XKR4: variants seen among roughly 807,000 people sequenced by gnomAD.
XKR4 encodes the protein XK-related protein 4.
Under a neutral mutation model 53.9 loss-of-function variants are expected in XKR4, and 12 were observed. The observed-to-expected ratio is 0.22, with a 90% CI of 0.14 to 0.36. The LOEUF is 0.36. XKR4 is among the 10% of genes least tolerant of loss of function. The pLI is 1.00. For synonymous variants in XKR4, 354 were observed against 362.4 expected, an observed-to-expected ratio of 0.98 and a Z score of 0.26; for missense variants, 799 against 859.5, an observed-to-expected ratio of 0.93 and a Z score of 0.88.
At chr8:55,140,497 C>T (rs1816688145) in intron 1 of XKR4, among the ~76,000 whole-genome samples, 1 of 152,210 alleles carries the variant, frequency 6.6e-6, no homozygotes, top group African/African-American at 2.4e-5. Flanking sequence ...AGCCCAAGAG[C>T]TTAGGGCACA....
chr8:55,225,769 T>C (rs1817943742), intron 1 of XKR4, among the ~76,000 whole-genome samples: 2 of 152,376 alleles, frequency 1.3e-5, no homozygotes, highest in South Asian at 4.1e-4. Flanking sequence ...CTGACGATTG[T>C]TTCCTAGAGA....
At chr8:55,352,195 G>T (rs1360075458) in intron 1 of XKR4, among the ~76,000 whole-genome samples, 1 of 152,242 alleles carries the variant, frequency 6.6e-6, no homozygotes, top group Non-Finnish European at 1.5e-5. Context: ...CCCGGGTGGG[G>T]AGAGAGGCCA....
intron 2 of XKR4, among the ~76,000 whole-genome samples, chr8:55,491,624 G>C (rs1563365300): frequency 1.2e-5 from 1 of 80,086 alleles, no homozygotes; most frequent in Non-Finnish European, 2.4e-5. Context: ...ATGTCTTTGG[G>C]GGTTTGTTTG....
intron 1 of XKR4, among the ~76,000 whole-genome samples, chr8:55,259,012 T>G (rs1358339991): frequency 1.3e-5 from 2 of 152,186 alleles, no homozygotes; most frequent in African/African-American, 2.4e-5. Flanking sequence ...AAAGACAGGC[T>G]CAAGGCAGGG....
chr8:55,193,974 G>T (rs2129361334), intron 1 of XKR4, among the ~76,000 whole-genome samples: 1 of 152,266 alleles, frequency 6.6e-6, no homozygotes, highest in African/African-American at 2.4e-5. Flanking sequence ...CCTGTCCCCT[G>T]GGGCCCTGCC....
In XKR4 at chr8:55,527,512, G is replaced by A. The variant is rs986677445; in HGVS notation, c.*3285G>A. On this transcript the variant is annotated 3_prime_UTR_variant, in exon 3 of 3. Coordinates refer to ENST00000327381, the MANE Select transcript of XKR4 (RefSeq NM_052898.2). ...TTTAATGAATATATATAATGTGTGT[G>A]TGTGTATCTTAACCATAGTGACACT... The A allele has an allele frequency of 6.6e-6, 1 of 152,218 alleles. No homozygotes were observed. Among genetic ancestry groups the A allele is most frequent in the South Asian group, 2.1e-4 (1 of 4,834 alleles). The allele number at this position is 152,218 out of a possible 1,614,324, so 9.4% of individuals were successfully genotyped here.
chr8:55,489,611 T>C (rs1038662980), intron 2 of XKR4, among the ~76,000 whole-genome samples: 3 of 152,178 alleles, frequency 2.0e-5, no homozygotes, highest in Non-Finnish European at 4.4e-5. Flanking sequence ...AAAAAAAGGA[T>C]TATTATGATG....
At chr8:55,393,005 T>TA (rs1049021966) in intron 2 of XKR4, among the ~76,000 whole-genome samples, 55 of 151,212 alleles carry the variant, frequency 3.6e-4, no homozygotes, top group Non-Finnish European at 7.4e-4. Flanking sequence ...AAGTTCTTAT[T>TA]AAAAAAAAAT....
chr8:55,462,022 A>T (rs959532887), intron 2 of XKR4, among the ~76,000 whole-genome samples: 2 of 152,258 alleles, frequency 1.3e-5, no homozygotes, highest in Non-Finnish European at 2.9e-5. Flanking sequence ...AGTGACGGGG[A>T]GAATGGAACC....
Position 55,454,814 on chromosome 8 carries a change from C to T in XKR4, c.1007-68467C>T, listed in dbSNP as rs114426096. On this transcript the variant is annotated intron_variant, in intron 2 of 2. Coordinates refer to ENST00000327381, the MANE Select transcript of XKR4 (RefSeq NM_052898.2). ...TGGGCAGATGGGCAGGCTCTGTGGG[C>T]GACAGGTGCGTAAGGCCTCCCTCAT... 2,637 of 766,626 alleles carry T rather than the reference C, an allele frequency of 3.4e-3. 48 individuals are homozygous for T. In the African/African-American group the frequency reaches 0.04, roughly 12 times the overall value. 47.5% of individuals were successfully genotyped at this position (766,626 alleles called of 1,614,324 possible).
At chr8:55,459,709 G>A (rs1304874246) in intron 2 of XKR4, among the ~76,000 whole-genome samples, 1 of 151,978 alleles carries the variant, frequency 6.6e-6, no homozygotes, top group Non-Finnish European at 1.5e-5. Flanking sequence ...TAGTAACTAG[G>A]GAAAAGTAAA....
intron 1 of XKR4, among the ~76,000 whole-genome samples, chr8:55,261,797 T>G (rs1176441387): frequency 6.6e-6 from 1 of 152,160 alleles, no homozygotes; most frequent in African/African-American, 2.4e-5. Context: ...TCTTTGGTCA[T>G]TAATAGATCG....
In XKR4 at chr8:55,210,648, T is replaced by C. The variant is rs144457244; in HGVS notation, c.806+107354T>C. On this transcript the variant is annotated intron_variant, in intron 1 of 2. Coordinates refer to ENST00000327381, the MANE Select transcript of XKR4 (RefSeq NM_052898.2). ...CATTTTCTGGGGTGACACCCAAGTTTTGTTGTCTCATGGCCACAGAGATCA... is the reference window on the plus strand; with the variant it reads ...CATTTTCTGGGGTGACACCCAAGTTCTGTTGTCTCATGGCCACAGAGATCA... 2.7e-3 allele frequency among the ~76,000 whole-genome samples: 406 copies of C among 152,328 alleles called. 1 individual carries two copies. The highest frequency in any genetic ancestry group is 8.1e-3 in the African/African-American group (336 of 41,570).
At chr8:55,308,465 A>G (rs1043517708) in intron 1 of XKR4, among the ~76,000 whole-genome samples, 5 of 152,084 alleles carry the variant, frequency 3.3e-5, no homozygotes, top group African/African-American at 9.7e-5. Context: ...TTATAAAACC[A>G]TCAGATGTCA....
At chr8:55,464,645 G>A (rs1176608283) in intron 2 of XKR4, among the ~76,000 whole-genome samples, 1 of 152,138 alleles carries the variant, frequency 6.6e-6, no homozygotes, top group Non-Finnish European at 1.5e-5. Context: ...GGGCAATCAG[G>A]CAGGAGAAGG....
In XKR4 at chr8:55,539,378, T is replaced by C. The variant is rs1045869938; in HGVS notation, c.*15151T>C. 6.6e-6 allele frequency: 1 copy of C among 152,182 alleles called. No homozygotes were observed. Among genetic ancestry groups the C allele is most frequent in the Non-Finnish European group, 1.5e-5 (1 of 68,026 alleles). The allele number at this position is 152,182 out of a possible 1,614,324, so 9.4% of individuals were successfully genotyped here. A position where few individuals can be genotyped will look rare whatever the true frequency, so the allele number is the denominator to read the frequency against. On this transcript the variant is annotated 3_prime_UTR_variant, in exon 3 of 3. Transcript: ENST00000327381. ...AAAACACAAAATGGGTTTCAGAAAG[T>C]TTACCTTGAGAAGTGGGTTTGAAAT...
intron 1 of XKR4, among the ~76,000 whole-genome samples, chr8:55,262,849 G>A (rs958750794): frequency 1.3e-4 from 20 of 152,312 alleles, no homozygotes; most frequent in Admixed American, 9.2e-4. Flanking sequence ...ATGGGCTGGA[G>A]GCGTCCCGTA....
chr8:55,452,733 G>C, intron 2 of XKR4: 1 of 942,114 alleles, frequency 1.1e-6, no homozygotes, highest in African/African-American at 1.6e-5. Context: ...TACATTGCAG[G>C]TCTCTCTGTC....
chr8:55,281,823 T>A (rs1455163847), intron 1 of XKR4, among the ~76,000 whole-genome samples: 1 of 152,230 alleles, frequency 6.6e-6, no homozygotes, highest in Admixed American at 6.5e-5. Context: ...TTCACAACTT[T>A]ACATCCCCAA....
Sources: gnomAD v4.1 joint callset for allele counts (sites outside exome capture counted in the v4.1 genomes callset) on GRCh38, gnomAD v4.1.1 for gene constraint, MANE v1.5 for transcripts, NCBI Gene and HGNC (gene_info 2026-07-23, HGNC 2026-07-21) for gene names.